CSMD1: variants seen among roughly 807,000 people sequenced by gnomAD.
The protein encoded by CSMD1 is CUB and Sushi multiple domains 1.
Under a neutral mutation model 417.5 loss-of-function variants are expected in CSMD1, and 213 were observed. The observed-to-expected ratio is 0.51, with a 90% CI of 0.46 to 0.57. The LOEUF (loss-of-function observed/expected upper bound fraction) is 0.57. Ranked by LOEUF, CSMD1 falls within the 20% of genes least tolerant of loss-of-function variation. The probability of loss-of-function intolerance (pLI) is 0.00; values close to 1 mark genes in which losing one functional copy is unlikely to be tolerated. For missense variants in CSMD1, 6,923 were observed against 4,529.7 expected, an observed-to-expected ratio of 1.53 and a Z score of -15.17; for synonymous variants, 2,862 against 1,736.8, an observed-to-expected ratio of 1.65 and a Z score of -16.11.
intron 3 of CSMD1, among the ~76,000 whole-genome samples, chr8:4,263,254 A>C (rs941861523): frequency 1.3e-5 from 2 of 152,138 alleles, no homozygotes. Flanking sequence ...AAAATCTGTA[A>C]GCTGAAAGGT....
In CSMD1 at chr8:4,633,945, C is replaced by T. The variant is rs578106010; in HGVS notation, c.302+3397G>A. On this transcript the variant is annotated intron_variant, in intron 2 of 69. Transcript: ENST00000635120. The stretch of plus-strand genomic sequence containing the variant: ...GGAGACTGGGAAGCAAGAGGAAATG[C>T]AGAGTCAATAAAGTTCAGCTGTTTA... 2.4e-3 allele frequency among the ~76,000 whole-genome samples: 356 copies of T among 150,450 alleles called. 3 individuals are homozygous for T. Among genetic ancestry groups the T allele is most frequent in the African/African-American group, 8.5e-3 (347 of 40,794 alleles).
At chr8:3,256,952 G>C (rs1800698366) in intron 26 of CSMD1, among the ~76,000 whole-genome samples, 1 of 152,158 alleles carries the variant, frequency 6.6e-6, no homozygotes, top group Non-Finnish European at 1.5e-5. Flanking sequence ...CTAAAACTCA[G>C]TAAATTGAGA....
chr8:3,897,981 G>A (rs1452933006), intron 5 of CSMD1, among the ~76,000 whole-genome samples: 1 of 152,188 alleles, frequency 6.6e-6, no homozygotes, highest in East Asian at 1.9e-4. Context: ...TCTAGTCACG[G>A]AGAACTGGAG....
At chr8:3,183,814 TA>T (rs1821585665) in intron 36 of CSMD1, among the ~76,000 whole-genome samples, 2 of 152,244 alleles carry the variant, frequency 1.3e-5, no homozygotes, top group Admixed American at 6.5e-5. Flanking sequence ...GCGTGCATTC[TA>T]AATATTTTCC....
At chr8:3,857,677 T>TTATTTAA (rs1585098946) in intron 5 of CSMD1, among the ~76,000 whole-genome samples, 1 of 152,180 alleles carries the variant, frequency 6.6e-6, no homozygotes, top group Non-Finnish European at 1.5e-5. Context: ...TTTAATACAC[T>TTATTTAA]TCTTAGATTC....
chr8:4,573,545 G>A (rs2693795), intron 2 of CSMD1, among the ~76,000 whole-genome samples: 35,665 of 152,066 alleles, frequency 0.23, 4,866 homozygotes, highest in South Asian at 0.36. Context: ...TCTCCTGTAT[G>A]AGATGTCTGT....
At chr8:3,861,433 G>C (rs915450827) in intron 5 of CSMD1, among the ~76,000 whole-genome samples, 2 of 152,188 alleles carry the variant, frequency 1.3e-5, no homozygotes, top group Non-Finnish European at 2.9e-5. Context: ...CATCTGACTG[G>C]GGGTACTATG....
chr8:4,291,401 C>A (rs1797354580), intron 3 of CSMD1, among the ~76,000 whole-genome samples: 1 of 151,964 alleles, frequency 6.6e-6, no homozygotes, highest in Non-Finnish European at 1.5e-5. Context: ...TAAAGTAAAT[C>A]TCCATAATTA....
At chr8:2,984,562 T>C (rs1456244461) in intron 54 of CSMD1, among the ~76,000 whole-genome samples, 3 of 152,224 alleles carry the variant, frequency 2.0e-5, no homozygotes, top group African/African-American at 7.2e-5. Context: ...TTGGTCAGGC[T>C]GGTCTTGAAC....
At chr8:3,919,530 A>C (rs1457083511) in intron 5 of CSMD1, among the ~76,000 whole-genome samples, 1 of 152,098 alleles carries the variant, frequency 6.6e-6, no homozygotes, top group Non-Finnish European at 1.5e-5. Flanking sequence ...TGCTTTTATT[A>C]CTGAAGATTG....
chr8:4,771,172 A>G (rs1796577641), intron 1 of CSMD1, among the ~76,000 whole-genome samples: 1 of 152,200 alleles, frequency 6.6e-6, no homozygotes, highest in Non-Finnish European at 1.5e-5. Context: ...CACAGAGAAG[A>G]CTGAGGCCCA....
chr8:4,550,158 G>A (rs1383978767), intron 2 of CSMD1, among the ~76,000 whole-genome samples: 2 of 151,598 alleles, frequency 1.3e-5, no homozygotes, highest in Non-Finnish European at 2.9e-5. Context: ...ACATGACGAA[G>A]GTCTCAGCAA....
At chr8:4,324,338 A>G (rs1446369251) in intron 3 of CSMD1, among the ~76,000 whole-genome samples, 7 of 152,172 alleles carry the variant, frequency 4.6e-5, no homozygotes, top group Non-Finnish European at 1.0e-4. Flanking sequence ...AATACTCGGA[A>G]GGTCCTGTAG....
intron 3 of CSMD1, among the ~76,000 whole-genome samples, chr8:4,302,385 G>A (rs1257865256): frequency 2.0e-5 from 3 of 152,148 alleles, no homozygotes; most frequent in African/African-American, 4.8e-5. Context: ...TACTATTCAG[G>A]CACTAGTTGA....
At chr8:3,873,599 G>T (rs1323380171) in intron 5 of CSMD1, among the ~76,000 whole-genome samples, 1 of 151,958 alleles carries the variant, frequency 6.6e-6, no homozygotes, top group Non-Finnish European at 1.5e-5. Context: ...AATAACTAAT[G>T]GGTACTCGGC....
intron 3 of CSMD1, among the ~76,000 whole-genome samples, chr8:4,147,590 A>C (rs1796318434): frequency 6.6e-6 from 1 of 152,118 alleles, no homozygotes; most frequent in African/African-American, 2.4e-5. Flanking sequence ...GACCCTAATA[A>C]ATAATATCGG....
intron 3 of CSMD1, among the ~76,000 whole-genome samples, chr8:4,097,462 T>C (rs1007074950): frequency 6.6e-6 from 1 of 152,186 alleles, no homozygotes; most frequent in Admixed American, 6.6e-5. Context: ...AAGGGGGTTG[T>C]AATAATTTGT....
At chr8:4,818,546 C>T (rs1384331227) in intron 1 of CSMD1, among the ~76,000 whole-genome samples, 3 of 152,092 alleles carry the variant, frequency 2.0e-5, no homozygotes, top group Non-Finnish European at 4.4e-5. Context: ...GGCATGAATC[C>T]AGAGACACAC....
At chr8:3,299,919 C>A (rs1010012963) in intron 25 of CSMD1, among the ~76,000 whole-genome samples, 16 of 152,120 alleles carry the variant, frequency 1.1e-4, no homozygotes, top group African/African-American at 1.4e-4. Context: ...CTTTTAGAGG[C>A]AATTTGGTAA....
Sources: allele counts gnomAD v4.1 joint callset (sites outside exome capture counted in the v4.1 genomes callset), GRCh38; gene constraint gnomAD v4.1.1; transcripts MANE v1.5; gene names NCBI Gene and HGNC (gene_info 2026-07-23, HGNC 2026-07-21).